CCL3L3: variants seen among roughly 807,000 people sequenced by gnomAD.
CCL3L3 encodes C-C motif chemokine ligand 3 like 3.
In CCL3L3, 6 loss-of-function variants were observed where a neutral mutation model predicts 9.0. The ratio of observed to expected loss-of-function variants is 0.67; its 90% CI spans 0.37 to 1.32. The LOEUF (loss-of-function observed/expected upper bound fraction) is 1.32, where lower values mean the gene tolerates loss of function less well. Among genes scored for constraint, CCL3L3 ranks in the 40% most tolerant of loss-of-function variants. CCL3L3 has a pLI of 0.02. For synonymous variants in CCL3L3, 38 were observed against 45.7 expected, an observed-to-expected ratio of 0.83 and a Z score of 0.68; for missense variants, 93 against 117.0, an observed-to-expected ratio of 0.79 and a Z score of 0.95.
intron 1 of CCL3L3, chr17:36,196,281 A>G (rs2068620378): frequency 4.0e-5 from 26 of 645,840 alleles, no homozygotes; most frequent in South Asian, 3.5e-4. Flanking sequence ...GAGAGTGAAG[A>G]ACAGACCCCA....
intron 1 of CCL3L3, 85 bp downstream of exon 1, chr17:36,196,513 G>T: frequency 6.9e-7 from 1 of 1,446,670 alleles, no homozygotes; most frequent in Admixed American, 1.7e-5. Flanking sequence ...TTTTCTCTTC[G>T]GGGCTCTCAG....
At position 36,196,422 on chromosome 17, in the gene CCL3L3, C is replaced by G. The variant is rs2142209021; in HGVS notation, c.76+176G>C. The G allele has an allele frequency of 4.7e-6, 4 of 853,428 alleles. No individual in the cohort carries two copies. In the East Asian group the frequency reaches 1.0e-4, roughly 22 times the overall value. 52.9% of individuals were successfully genotyped at this position (853,428 alleles called of 1,614,324 possible). A position where few individuals can be genotyped will look rare whatever the true frequency, so the allele number is the denominator to read the frequency against. On this transcript the variant is annotated intron_variant, in intron 1 of 2. Transcript: ENST00000619989. ...TTCTCATACCTGGAGACTAGGAGGG[C>G]TAAGACCCCTTCTAGAGATAAAAAT...
Position 36,196,637 on chromosome 17 carries a change from A to G in CCL3L3, c.37T>C (p.Cys13Arg), listed in dbSNP as rs748292395. 45 of 1,581,070 alleles carry G rather than the reference A, an allele frequency of 2.8e-5. 8 individuals are homozygous for G. The South Asian group carries it at 4.5e-4, about 16-fold the overall frequency. Residue 13 changes from cysteine to arginine, a missense_variant, in exon 1 of 3, where the codon TGC (cysteine) becomes CGC (arginine). Coordinates refer to ENST00000619989, the MANE Select transcript of CCL3L3 (RefSeq NM_001001437.4). Reference sequence around the variant, plus strand: ...ACCTGGTTGCAGAGAGCCATGGTGCAGAGGAGGACGGCAAGGGCAGCAGTG... The same window carrying G: ...ACCTGGTTGCAGAGAGCCATGGTGCGGAGGAGGACGGCAAGGGCAGCAGTG... ...VSTAALAVLLCTMALCNQVLS... is the reference protein window; with the variant it reads ...VSTAALAVLLRTMALCNQVLS...
At chr17:36,196,553 C>A in intron 1 of CCL3L3, 45 bp downstream of exon 1, 1 of 1,561,254 alleles carries the variant, frequency 6.4e-7, no homozygotes, top group South Asian at 1.1e-5. Context: ...GTGGTCTAAC[C>A]ATGGCCAGAG....
chr17:36,196,017 T>C, intron 1 of CCL3L3, 105 bp from the exon 2 acceptor site: 1 of 1,199,658 alleles, frequency 8.3e-7, no homozygotes, highest in Admixed American at 2.1e-5. Context: ...TCAGACCAAG[T>C]GACTGCAAGG....
Position 36,196,725 on chromosome 17 carries a change from G to C in CCL3L3, c.-52C>G. The C allele has an allele frequency of 1.3e-6, 2 of 1,542,626 alleles. No homozygotes were observed. The highest frequency in any genetic ancestry group is 3.4e-5 in the Admixed American group (2 of 58,548). ...GCTCGAGTGTCAGCAGAGCCAAGAA[G>C]GGACTGACTACTCTTTGCTGCCTGC... On this transcript the variant is annotated 5_prime_UTR_variant, in exon 1 of 3. Transcript: ENST00000619989.
chr17:36,196,059 T>G, intron 1 of CCL3L3, 147 bp from the exon 2 acceptor site: 1 of 945,664 alleles, frequency 1.1e-6, no homozygotes, highest in Non-Finnish European at 1.7e-6. Flanking sequence ...AAATGTCTCT[T>G]TGTTTCTGTC....
chr17:36,195,561 G>A, intron 2 of CCL3L3, 185 bp from the exon 3 acceptor site: 2 of 1,049,310 alleles, frequency 1.9e-6, no homozygotes, highest in East Asian at 2.3e-5. Flanking sequence ...GGCCCTCAGA[G>A]TGTCCTGCTG....
Position 36,196,345 on chromosome 17 carries a change from C to A in CCL3L3, c.76+253G>T. ...CTCTTGCAAACTGATTCGTTTTGAA[C>A]CCTGTTTTTCTATCTGTACAAGGGA... On this transcript the variant is annotated intron_variant, in intron 1 of 2. Coordinates refer to ENST00000619989, the MANE Select transcript of CCL3L3 (RefSeq NM_001001437.4). The A allele has an allele frequency of 2.9e-6, 2 of 689,110 alleles. 1 individual carries two copies. The highest frequency in any genetic ancestry group is 4.1e-5 in the Admixed American group (2 of 48,700). 42.7% of individuals were successfully genotyped at this position (689,110 alleles called of 1,614,324 possible).
rs201025980 is a variant in CCL3L3 at position 36,195,991 on chromosome 17, A to C, written c.77-79T>G. 0.027 allele frequency: 40,378 copies of C among 1,490,048 alleles called. 2,166 individuals are homozygous for C. In the East Asian group the frequency reaches 0.37, roughly 14 times the overall value. 92.3% of individuals were successfully genotyped at this position (1,490,048 alleles called of 1,614,324 possible). A position where few individuals can be genotyped will look rare whatever the true frequency, so the allele number is the denominator to read the frequency against. On this transcript the variant is annotated intron_variant, in intron 1 of 2. Coordinates refer to ENST00000619989, the MANE Select transcript of CCL3L3 (RefSeq NM_001001437.4). ...GCAGCTTCTGATCCCTGAGTGGTTG[A>C]GGAGGGCAGGCTTGCTCAGACCAAG... is the stretch of plus-strand genomic sequence containing the variant.
intron 2 of CCL3L3, 51 bp downstream of exon 2, chr17:36,195,744 CCCA>C: frequency 6.4e-7 from 1 of 1,562,736 alleles, no homozygotes; most frequent in East Asian, 2.2e-5. Flanking sequence ...TGTTTCTGCC[CCCA>C]CCCTGACACT....
chr17:36,196,480 G>T, intron 1 of CCL3L3, 118 bp downstream of exon 1: 2 of 1,253,058 alleles, frequency 1.6e-6, no homozygotes, highest in Admixed American at 1.9e-5. Flanking sequence ...AAGGTGTTTG[G>T]CAGCGCTTTA....
At chr17:36,195,677 T>C (rs2041764407) in intron 2 of CCL3L3, 121 bp downstream of exon 2, 1 of 1,341,810 alleles carries the variant, frequency 7.5e-7, no homozygotes, top group Non-Finnish European at 1.1e-6. Flanking sequence ...GTGCCCTGCG[T>C]CCTGTATCCC....
In CCL3L3 at chr17:36,195,304, G is replaced by A; in HGVS notation, c.264C>T (p.Asp88=). The change falls in exon 3 of 3, where the codon GAC becomes GAT. Residue 88 remains aspartate, a synonymous_variant. Transcript: ENST00000619989. Reference sequence around the variant, plus strand: ...GGACCCCTCAGGCACTCAGCTCCAGGTCACTGACGTATTTCTGGACCCACT... The same window carrying A: ...GGACCCCTCAGGCACTCAGCTCCAGATCACTGACGTATTTCTGGACCCACT... ...SEEWVQKYVS[D]LELSA 6.3e-7 allele frequency: 1 copy of A among 1,582,340 alleles called. No individual in the cohort carries two copies.
intron 2 of CCL3L3, 52 bp from the exon 3 acceptor site, chr17:36,195,428 C>G (rs1185471763): frequency 1.3e-6 from 2 of 1,559,432 alleles, no homozygotes; most frequent in African/African-American, 1.3e-5. Flanking sequence ...CCGGGGAATC[C>G]TGGGCCCACC....
intron 1 of CCL3L3, 119 bp downstream of exon 1, chr17:36,196,479 G>C (rs1353778073): frequency 7.2e-6 from 9 of 1,242,102 alleles, no homozygotes; most frequent in African/African-American, 4.1e-5. Context: ...CAAGGTGTTT[G>C]GCAGCGCTTT....
intron 1 of CCL3L3, chr17:36,196,382 C>T: frequency 2.7e-6 from 2 of 732,744 alleles, no homozygotes; most frequent in South Asian, 3.0e-5. Flanking sequence ...TGTAACTCCC[C>T]TGCCCCTGCC....
At chr17:36,196,106 T>A in intron 1 of CCL3L3, 194 bp from the exon 2 acceptor site, 1 of 681,840 alleles carries the variant, frequency 1.5e-6, no homozygotes, top group Non-Finnish European at 2.6e-6. Flanking sequence ...CATAGTGGGT[T>A]CTCTGTTTCT....
intron 1 of CCL3L3, chr17:36,196,337 G>A (rs1474177323): frequency 4.4e-5 from 30 of 682,538 alleles, no homozygotes; most frequent in South Asian, 1.7e-4. Flanking sequence ...AAACTGATTC[G>A]TTTTGAACCC....
Sources: allele counts gnomAD v4.1 joint callset, GRCh38; gene constraint gnomAD v4.1.1; transcripts MANE v1.5; gene names NCBI Gene and HGNC (gene_info 2026-07-23, HGNC 2026-07-21).